TSPAN9: variants seen among roughly 807,000 people sequenced by gnomAD.
TSPAN9 encodes tetraspanin-9.
TSPAN9 carries 16 observed loss-of-function variants against 31.0 expected under a neutral mutation model. The observed-to-expected ratio is 0.52, with a 90% CI of 0.35 to 0.78. The LOEUF (loss-of-function observed/expected upper bound fraction) is 0.78. Among genes scored for constraint, TSPAN9 ranks in the 30% least tolerant of loss-of-function variants. The pLI is 0.01. For synonymous variants in TSPAN9, 145 were observed against 121.6 expected (o/e 1.19, Z -1.27); for missense variants, 272 against 312.5 (o/e 0.87, Z 0.98).
At chr12:3,133,632 A>G (rs192566235) in intron 2 of TSPAN9, among the ~76,000 whole-genome samples, 1 of 152,320 alleles carries the variant, frequency 6.6e-6, no homozygotes, top group African/African-American at 2.4e-5. Context: ...AAACAAGGTC[A>G]GTGCCCTAAA....
intron 3 of TSPAN9, among the ~76,000 whole-genome samples, chr12:3,228,387 C>G (rs2098388969): frequency 6.6e-6 from 1 of 152,208 alleles, no homozygotes; most frequent in Non-Finnish European, 1.5e-5. Context: ...TAAATAAGCT[C>G]TCCTCACATC....
chr12:3,086,566 A>G (rs933422), intron 2 of TSPAN9, among the ~76,000 whole-genome samples: 13,409 of 152,192 alleles, frequency 0.088, 1,827 homozygotes, highest in African/African-American at 0.29. Context: ...AGAGCAGTCC[A>G]GGGGGTCCGA....
rs889956070 is a variant in TSPAN9, at chr12:3,107,571, C to T, written c.-18+23852C>T. Among the ~76,000 whole-genome samples, 20 of 152,190 alleles carry T rather than the reference C, an allele frequency of 1.3e-4. No individual in the cohort carries two copies. Among genetic ancestry groups the T allele is most frequent in the African/African-American group, 4.1e-4 (17 of 41,440 alleles). On this transcript the variant is annotated intron_variant, in intron 2 of 8. Coordinates refer to ENST00000011898, the MANE Select transcript of TSPAN9 (RefSeq NM_006675.5). The surrounding 1 kb of genome is among the most constrained non-coding windows in gnomAD (Gnocchi z 4.1). ...GCCCTTCATCTGGGGCCATGCATGCCTCTTGTTAGGTCTGGCTTTCCCTTT... is the reference window on the plus strand; with the variant it reads ...GCCCTTCATCTGGGGCCATGCATGCTTCTTGTTAGGTCTGGCTTTCCCTTT...
At chr12:3,136,214 CA>C (rs1414254115) in intron 2 of TSPAN9, among the ~76,000 whole-genome samples, 1 of 152,234 alleles carries the variant, frequency 6.6e-6, no homozygotes, top group Non-Finnish European at 1.5e-5. Context: ...CCTTTGCTTA[CA>C]TTTATTGGTT....
intron 3 of TSPAN9, among the ~76,000 whole-genome samples, chr12:3,214,357 G>A (rs2098380266): frequency 6.6e-6 from 1 of 152,236 alleles, no homozygotes. Flanking sequence ...TGGACTACGT[G>A]TGTGCTCAGT....
At chr12:3,149,443 C>T (rs1445011337) in intron 2 of TSPAN9, among the ~76,000 whole-genome samples, 1 of 152,206 alleles carries the variant, frequency 6.6e-6, no homozygotes, top group Non-Finnish European at 1.5e-5. Context: ...AAGTCTCTAA[C>T]AACCTTGCAT....
chr12:3,186,479 T>TA, intron 2 of TSPAN9, among the ~76,000 whole-genome samples: 1 of 151,688 alleles, frequency 6.6e-6, no homozygotes, highest in Non-Finnish European at 1.5e-5. Context: ...CAATGTAAAG[T>TA]CTCCAATGTA....
chr12:3,093,399 A>G (rs912088006), intron 2 of TSPAN9, among the ~76,000 whole-genome samples: 1 of 152,184 alleles, frequency 6.6e-6, no homozygotes, highest in African/African-American at 2.4e-5. Context: ...GTGGAGAGGT[A>G]GGGTCTGGTC....
rs949871432 is a variant in TSPAN9, at chr12:3,078,745, C to T, written c.-85+1292C>T. 6.0e-5 allele frequency among the ~76,000 whole-genome samples: 9 copies of T among 151,052 alleles called. No homozygotes were observed. The South Asian group carries it at 1.7e-3, about 28-fold the overall frequency. ...CAGTTCTACTCTCACTCACTGAAGA[C>T]GCCCTGTGTGCAAGTCCCTGAACAG... is the stretch of plus-strand genomic sequence containing the variant. On this transcript the variant is annotated intron_variant, in intron 1 of 8. Transcript: ENST00000011898.
intron 2 of TSPAN9, among the ~76,000 whole-genome samples, chr12:3,089,163 T>C (rs186204209): frequency 0.023 from 3,356 of 146,192 alleles, 134 homozygotes; most frequent in African/African-American, 0.08. Flanking sequence ...ACCTGGGAGG[T>C]GGAGCTTGCA....
At chr12:3,094,367 A>T (rs61553408) in intron 2 of TSPAN9, among the ~76,000 whole-genome samples, 4,348 of 152,232 alleles carry the variant, frequency 0.029, 208 homozygotes, top group African/African-American at 0.1. Context: ...TGGAAACTGC[A>T]GCAGAGCAGA....
At chr12:3,261,669 G>T (rs547099775) in intron 3 of TSPAN9, among the ~76,000 whole-genome samples, 1 of 152,152 alleles carries the variant, frequency 6.6e-6, no homozygotes, top group Non-Finnish European at 1.5e-5. Flanking sequence ...AGGGAGTTTC[G>T]GGCATTTTGC....
chr12:3,144,724 C>T (rs1412161758), intron 2 of TSPAN9, among the ~76,000 whole-genome samples: 1 of 152,230 alleles, frequency 6.6e-6, no homozygotes, highest in Non-Finnish European at 1.5e-5. Context: ...CTGTCAGGCT[C>T]CTGCCTGAGA....
chr12:3,240,235 G>C (rs1326485593), intron 3 of TSPAN9, among the ~76,000 whole-genome samples: 1 of 152,096 alleles, frequency 6.6e-6, no homozygotes, highest in Non-Finnish European at 1.5e-5. Flanking sequence ...TACTTTTCCA[G>C]CTCCTTGAGG....
intron 3 of TSPAN9, among the ~76,000 whole-genome samples, chr12:3,241,875 TCCTCTCC>T (rs1378847159): frequency 6.6e-6 from 1 of 151,358 alleles, no homozygotes; most frequent in East Asian, 1.9e-4. Context: ...GAGGGCAAAG[TCCTCTCC>T]CCTGCCCCCT....
intron 2 of TSPAN9, among the ~76,000 whole-genome samples, chr12:3,184,654 G>A (rs577191049): frequency 1.3e-5 from 2 of 152,272 alleles, no homozygotes; most frequent in South Asian, 4.2e-4. Context: ...TCAGCTGAGC[G>A]ATTAGAGCCA....
intron 3 of TSPAN9, among the ~76,000 whole-genome samples, chr12:3,252,702 C>T (rs370080686): frequency 3.3e-5 from 5 of 152,354 alleles, no homozygotes; most frequent in Non-Finnish European, 7.3e-5. Context: ...CTCCTGTTAG[C>T]CAAGAGCATG....
chr12:3,130,369 G>C (rs924180725), intron 2 of TSPAN9, among the ~76,000 whole-genome samples: 1 of 152,184 alleles, frequency 6.6e-6, no homozygotes, highest in Admixed American at 6.5e-5. Flanking sequence ...ATGTTTTCTT[G>C]TTCGCGTCAG....
chr12:3,134,861 T>G (rs758953746), intron 2 of TSPAN9, among the ~76,000 whole-genome samples: 7 of 151,962 alleles, frequency 4.6e-5, no homozygotes, highest in Non-Finnish European at 7.4e-5. Flanking sequence ...GCGTGCAGCG[T>G]GGAAGAGGCA....
Sources: allele counts gnomAD v4.1 joint callset (sites outside exome capture counted in the v4.1 genomes callset), GRCh38; gene constraint gnomAD v4.1.1; non-coding constraint Gnocchi (gnomAD v3.1); transcripts MANE v1.5; gene names NCBI Gene and HGNC (gene_info 2026-07-23, HGNC 2026-07-21).